The following C4orf33 variants were observed in gnomAD, a reference collection of about 807,000 sequenced individuals.
C4orf33 encodes the protein chromosome 4 open reading frame 33.
Under a neutral mutation model 24.3 loss-of-function variants are expected in C4orf33, and 20 were observed. The ratio of observed to expected loss-of-function variants is 0.82; its 90% CI spans 0.58 to 1.19. The LOEUF (loss-of-function observed/expected upper bound fraction) is 1.19. C4orf33 is among the 50% of genes most tolerant of loss of function. The pLI is 0.00. For synonymous variants in C4orf33, 67 were observed against 76.4 expected (o/e 0.88, Z 0.64); for missense variants, 207 against 225.9 (o/e 0.92, Z 0.54).
In C4orf33 at chr4:129,115,669, C is replaced by G. The variant is rs1162781170; in HGVS notation, c.*3878C>G. On this transcript the variant is annotated 3_prime_UTR_variant, in exon 6 of 6. Coordinates refer to ENST00000425929, the MANE Select transcript of C4orf33 (RefSeq NM_001099783.2). ...TTTAATTTTTCCAAAGTTCCCAATCCCATTCCTTAGAATCACATTCCAAAA... is the reference window on the plus strand; with the variant it reads ...TTTAATTTTTCCAAAGTTCCCAATCGCATTCCTTAGAATCACATTCCAAAA... 9 of 151,766 alleles carry G rather than the reference C, an allele frequency of 5.9e-5. No homozygotes were observed. The highest frequency in any genetic ancestry group is 5.3e-4 in the Admixed American group (8 of 15,218). The allele number at this position is 151,766 out of a possible 1,614,324, so 9.4% of individuals were successfully genotyped here.
intron 1 of C4orf33, among the ~76,000 whole-genome samples, chr4:129,099,311 C>T (rs1753286417): frequency 6.6e-6 from 1 of 152,126 alleles, no homozygotes; most frequent in African/African-American, 2.4e-5. Flanking sequence ...ATTTCCCCAG[C>T]ACCTGGTATG....
chr4:129,104,920 G>A (rs1753469242), intron 2 of C4orf33, among the ~76,000 whole-genome samples: 1 of 151,936 alleles, frequency 6.6e-6, no homozygotes, highest in South Asian at 2.1e-4. Flanking sequence ...GTAAGGTGAT[G>A]ATGGAAAGTA....
intron 5 of C4orf33, among the ~76,000 whole-genome samples, chr4:129,110,440 A>G (rs1753662795): frequency 2.0e-5 from 3 of 152,156 alleles, no homozygotes; most frequent in Admixed American, 1.3e-4. Context: ...TGAATGCTTC[A>G]TGGACTTCTG....
At chr4:129,097,255 C>T (rs889501263) in intron 1 of C4orf33, among the ~76,000 whole-genome samples, 1 of 152,170 alleles carries the variant, frequency 6.6e-6, no homozygotes, top group Non-Finnish European at 1.5e-5. Flanking sequence ...TAATGCATGT[C>T]TGTCATAGTG....
rs116266148 is a variant in C4orf33 at position 129,097,627 on chromosome 4, A to G, written c.-10+1418A>G. Among the ~76,000 whole-genome samples the G allele has an allele frequency of 3.7e-3, 560 of 152,330 alleles. 2 individuals carry two copies. Among genetic ancestry groups the G allele is most frequent in the Non-Finnish European group, 6.6e-3 (452 of 68,022 alleles). On this transcript the variant is annotated intron_variant, in intron 1 of 5. Transcript: ENST00000425929. ...TTCCAACATTTTGTTATTATGAACA[A>G]TGCTACCACAAATATCCTCAACGCT...
rs901502444 is a variant in C4orf33, at chr4:129,115,765, C to T, written c.*3974C>T. 4.8e-5 allele frequency: 7 copies of T among 146,022 alleles called. No homozygotes were observed. The highest frequency in any genetic ancestry group is 1.8e-4 in the African/African-American group (7 of 39,224). 9.0% of individuals were successfully genotyped at this position (146,022 alleles called of 1,614,324 possible). On this transcript the variant is annotated 3_prime_UTR_variant, in exon 6 of 6. Transcript: ENST00000425929. ...GGTATCCAGCCTAAGGCACCTAAGT[C>T]CAAGAGGAATATGTGCCTAACAAAT...
intron 2 of C4orf33, among the ~76,000 whole-genome samples, chr4:129,106,179 G>A (rs1435434480): frequency 2.0e-5 from 3 of 152,018 alleles, no homozygotes; most frequent in African/African-American, 7.2e-5. Flanking sequence ...TATGTAATAG[G>A]AGATAATCAT....
At chr4:129,110,699 TCTTA>T (rs70938455) in intron 5 of C4orf33, among the ~76,000 whole-genome samples, 27,552 of 152,056 alleles carry the variant, frequency 0.18, 2,646 homozygotes, top group South Asian at 0.22. Context: ...CCTGCCATGC[TCTTA>T]CTTTATGCTT....
chr4:129,096,891 C>A (rs141598605), intron 1 of C4orf33, among the ~76,000 whole-genome samples: 73 of 152,180 alleles, frequency 4.8e-4, no homozygotes, highest in African/African-American at 1.7e-3. Flanking sequence ...TTTAAGAGAA[C>A]CGGCCTTAAA....
At chr4:129,099,471 C>T (rs949611183) in intron 1 of C4orf33, among the ~76,000 whole-genome samples, 1 of 152,156 alleles carries the variant, frequency 6.6e-6, no homozygotes, top group Admixed American at 6.5e-5. Flanking sequence ...GTAGATTTCT[C>T]CTGCACAAAA....
At chr4:129,106,011 T>A (rs950736821) in intron 2 of C4orf33, among the ~76,000 whole-genome samples, 2 of 152,176 alleles carry the variant, frequency 1.3e-5, no homozygotes, top group Admixed American at 6.5e-5. Flanking sequence ...ACTTATCGAA[T>A]ATCATGGATA....
intron 2 of C4orf33, among the ~76,000 whole-genome samples, chr4:129,104,055 A>G (rs1370165999): frequency 6.6e-6 from 1 of 152,016 alleles, no homozygotes; most frequent in Non-Finnish European, 1.5e-5. Context: ...TCTAATCTCA[A>G]CTCACCTACT....
intron 3 of C4orf33, among the ~76,000 whole-genome samples, chr4:129,108,400 T>C (rs145885461): frequency 6.6e-6 from 1 of 152,270 alleles, no homozygotes; most frequent in Non-Finnish European, 1.5e-5. Context: ...TATACTGTGT[T>C]CCTTTTTGAA....
Position 129,112,861 on chromosome 4 carries a change from T to C in C4orf33, c.*1070T>C, listed in dbSNP as rs1753719147. The C allele has an allele frequency of 1.3e-5, 2 of 152,148 alleles. No individual in the cohort carries two copies. The highest frequency in any genetic ancestry group is 1.3e-4 in the Admixed American group (2 of 15,258). 9.4% of individuals were successfully genotyped at this position (152,148 alleles called of 1,614,324 possible). A position where few individuals can be genotyped will look rare whatever the true frequency, so the allele number is the denominator to read the frequency against. On this transcript the variant is annotated 3_prime_UTR_variant, in exon 6 of 6. Transcript: ENST00000425929. The stretch of plus-strand genomic sequence containing the variant: ...TCCTGACTACACATCATGGTGGCAG[T>C]GTTAGGCATCTTAGATAAATTGAGA...
In C4orf33 at chr4:129,109,820, C is replaced by T. The variant is rs1033969001; in HGVS notation, c.494+148C>T. On this transcript the variant is annotated intron_variant, in intron 5 of 5. Coordinates refer to ENST00000425929, the MANE Select transcript of C4orf33 (RefSeq NM_001099783.2). ...GAGTCCAATGTTCACTGATGGTCCT[C>T]AGAAAATACTTGGAAAACTTTGGAC... 6.6e-6 allele frequency: 6 copies of T among 908,274 alleles called. No individual in the cohort carries two copies. The Admixed American group carries it at 1.2e-4, about 18-fold the overall frequency. 56.3% of individuals were successfully genotyped at this position (908,274 alleles called of 1,614,324 possible). A position where few individuals can be genotyped will look rare whatever the true frequency, so the allele number is the denominator to read the frequency against.
rs970718618 is a variant in C4orf33, at chr4:129,116,116, C to G, written c.*4325C>G. 1 of 151,778 alleles carries G rather than the reference C, an allele frequency of 6.6e-6. No homozygotes were observed. The highest frequency in any genetic ancestry group is 2.4e-5 in the African/African-American group (1 of 41,342). The allele number at this position is 151,778 out of a possible 1,614,324, so 9.4% of individuals were successfully genotyped here. ...ATATAGGAAGCCAGAAATCATGAAT[C>G]TATGAAAAGTGAGGGGTGTCTGTGC... On this transcript the variant is annotated 3_prime_UTR_variant, in exon 6 of 6. Coordinates refer to ENST00000425929, the MANE Select transcript of C4orf33 (RefSeq NM_001099783.2).
intron 1 of C4orf33, among the ~76,000 whole-genome samples, chr4:129,101,089 G>C (rs1753336610): frequency 6.6e-6 from 1 of 152,074 alleles, no homozygotes; most frequent in Non-Finnish European, 1.5e-5. Context: ...CTTCTGAAAT[G>C]CTATTAGCTT....
At chr4:129,098,331 C>T (rs1029267891) in intron 1 of C4orf33, among the ~76,000 whole-genome samples, 5 of 152,120 alleles carry the variant, frequency 3.3e-5, no homozygotes, top group Non-Finnish European at 7.4e-5. Flanking sequence ...CTTCCCTCCC[C>T]CCTCTAGTAG....
upstream of C4orf33, among the ~76,000 whole-genome samples, chr4:129,095,116 T>G (rs1335118874): frequency 1.3e-5 from 2 of 152,220 alleles, no homozygotes; most frequent in African/African-American, 4.8e-5. Flanking sequence ...GATAGTTTTT[T>G]GTTTTTGCGT....
Sources: gnomAD v4.1 joint callset for allele counts (sites outside exome capture counted in the v4.1 genomes callset) on GRCh38, gnomAD v4.1.1 for gene constraint, MANE v1.5 for transcripts, NCBI Gene and HGNC (gene_info 2026-07-23, HGNC 2026-07-21) for gene names.